Variants in ABLIM2 observed in about 807,000 individuals in gnomAD.
ABLIM2 encodes the protein actin binding LIM protein family member 2, also known as actin-binding LIM protein 2.
A neutral mutation model predicts 97.7 loss-of-function variants in ABLIM2; 53 were observed. That is an observed-to-expected ratio of 0.54 (90% confidence interval 0.44 to 0.68). The LOEUF is 0.68. Ranked by LOEUF, ABLIM2 falls within the 30% of genes least tolerant of loss-of-function variation. The probability of loss-of-function intolerance (pLI) is 0.00; values close to 1 mark genes in which losing one functional copy is unlikely to be tolerated. For synonymous variants in ABLIM2, 361 were observed against 345.8 expected (o/e 1.04, Z -0.49); for missense variants, 835 against 867.2 (o/e 0.96, Z 0.47).
chr4:8,048,027 G>C (rs963574568), intron 8 of ABLIM2, among the ~76,000 whole-genome samples: 16 of 152,226 alleles, frequency 1.1e-4, no homozygotes, highest in Non-Finnish European at 2.9e-5. Context: ...CATATGGGAG[G>C]GAGGGAGCGT....
intron 3 of ABLIM2, among the ~76,000 whole-genome samples, chr4:8,093,418 C>T (rs10008298): frequency 1.7e-4 from 26 of 152,104 alleles, no homozygotes; most frequent in Admixed American, 9.2e-4. Flanking sequence ...CTTAGCTTTG[C>T]GTGTCTAAAA....
chr4:7,971,368 C>T (rs550679337), intron 20 of ABLIM2, among the ~76,000 whole-genome samples: 1 of 152,174 alleles, frequency 6.6e-6, no homozygotes, highest in South Asian at 2.1e-4. Flanking sequence ...ACAAGCACAG[C>T]TGGAAGGAAG....
chr4:7,982,841 T>C (rs1022891985), intron 20 of ABLIM2, among the ~76,000 whole-genome samples: 5 of 152,132 alleles, frequency 3.3e-5, no homozygotes, highest in Non-Finnish European at 5.9e-5. Context: ...GTAGCTGGGA[T>C]TACAGGCACC....
intron 14 of ABLIM2, among the ~76,000 whole-genome samples, chr4:8,014,920 CTTTCT>C (rs1248047320): frequency 1.3e-4 from 18 of 142,874 alleles, no homozygotes; most frequent in East Asian, 3.9e-4. Flanking sequence ...TCCTTCCTTT[CTTTCT>C]TTTTTTTTTT....
In ABLIM2 at chr4:8,020,539, G is replaced by A. The variant is rs1578849010; in HGVS notation, c.1268-236C>T. The A allele has an allele frequency of 6.4e-6, 4 of 621,608 alleles. 1 individual carries two copies. Among genetic ancestry groups the A allele is most frequent in the Admixed American group, 4.6e-5 (2 of 43,594 alleles). 38.5% of individuals were successfully genotyped at this position (621,608 alleles called of 1,614,324 possible). ...CTGTCCAGAGTCCCAAGGCAGAGGAGCGACATTGCTGAGGGCAGAGGGCTG... is the reference window on the plus strand; with the variant it reads ...CTGTCCAGAGTCCCAAGGCAGAGGAACGACATTGCTGAGGGCAGAGGGCTG... On this transcript the variant is annotated intron_variant, in intron 12 of 20. Transcript: ENST00000447017.
Position 7,967,062 on chromosome 4 carries a change from C to T in ABLIM2, c.1866G>A (p.Met622Ile), listed in dbSNP as rs1723395942. The T allele has an allele frequency of 4.3e-6, 7 of 1,613,932 alleles. No homozygotes were observed. Among genetic ancestry groups the T allele is most frequent in the African/African-American group, 1.3e-5 (1 of 75,058 alleles). ...SPEEFQEVFGMSIEEFDRLAL... is the reference protein window; with the variant it reads ...SPEEFQEVFGISIEEFDRLAL... ...CCAGGCGGTCAAACTCCTCGATGCT[C>T]ATCCCAAACACTTCCTGGAACTCCT... Residue 622 changes from methionine (M) to isoleucine (I), a missense_variant, in exon 21 of 21, where the codon ATG (methionine) becomes ATA (isoleucine). Coordinates refer to ENST00000447017, the MANE Select transcript of ABLIM2 (RefSeq NM_001130083.2).
intron 6 of ABLIM2, among the ~76,000 whole-genome samples, chr4:8,076,990 G>C (rs1816609638): frequency 6.7e-6 from 1 of 149,620 alleles, no homozygotes; most frequent in African/African-American, 2.5e-5. Context: ...TGAATCCGGA[G>C]GGTGGGCTGC....
chr4:8,076,430 C>T (rs1573843), intron 6 of ABLIM2, among the ~76,000 whole-genome samples: 28,225 of 152,106 alleles, frequency 0.19, 2,730 homozygotes, highest in African/African-American at 0.24. Context: ...CTGGCCTCTG[C>T]GGCAGCCAGT....
rs1191745136 is a variant in ABLIM2, at chr4:8,033,596, G to T, written c.1047+2553C>A. On this transcript the variant is annotated intron_variant, in intron 10 of 20. Transcript: ENST00000447017. The surrounding 1 kb of genome is among the most constrained non-coding windows in gnomAD (Gnocchi z 4.5). ...GGCTGAGAGCGGAAGCTCACACACAGGTGCCACTGTTTAGCAGAGCGGGAG... is the reference window on the plus strand; with the variant it reads ...GGCTGAGAGCGGAAGCTCACACACATGTGCCACTGTTTAGCAGAGCGGGAG... 6.6e-6 allele frequency among the ~76,000 whole-genome samples: 1 copy of T among 152,164 alleles called. No individual in the cohort carries two copies.
At chr4:7,967,742 G>T (rs1278859891) in intron 20 of ABLIM2, among the ~76,000 whole-genome samples, 2 of 152,124 alleles carry the variant, frequency 1.3e-5, no homozygotes, top group African/African-American at 4.8e-5. Context: ...AGTGCTTCTG[G>T]GATGCCATAG....
At chr4:7,968,080 G>A (rs889745176) in intron 20 of ABLIM2, among the ~76,000 whole-genome samples, 3 of 152,224 alleles carry the variant, frequency 2.0e-5, no homozygotes, top group Admixed American at 6.5e-5. Flanking sequence ...AGCTTTTCTA[G>A]GGAGCCTGGG....
At position 8,120,232 on chromosome 4, in the gene ABLIM2, T is replaced by A. The variant is rs374954131; in HGVS notation, c.11-13595A>T. ...GTGCCAGCGGGGAGCTCGAGCCATC[T>A]CTGTGGGCTGAACCGGGACCCCCAG... is the stretch of plus-strand genomic sequence containing the variant. On this transcript the variant is annotated intron_variant, in intron 1 of 20. Transcript: ENST00000447017. This position sits in a 1 kb window ranked among gnomAD's most constrained non-coding sequence, Gnocchi z 5.6. Among the ~76,000 whole-genome samples, 12 of 152,064 alleles carry A rather than the reference T, an allele frequency of 7.9e-5. No individual in the cohort carries two copies. The highest frequency in any genetic ancestry group is 2.9e-4 in the African/African-American group (12 of 41,402).
chr4:7,977,062 C>A (rs903099986), intron 20 of ABLIM2, among the ~76,000 whole-genome samples: 1 of 152,090 alleles, frequency 6.6e-6, no homozygotes, highest in Admixed American at 6.5e-5. Context: ...GAGGGAGGGA[C>A]CTGGTGGGAG....
intron 17 of ABLIM2, among the ~76,000 whole-genome samples, chr4:7,989,943 A>G (rs1747373508): frequency 6.6e-6 from 1 of 152,190 alleles, no homozygotes; most frequent in Non-Finnish European, 1.5e-5. Context: ...GTAGGTTATG[A>G]GCATCTACCA....
chr4:8,045,127 C>T (rs777260742), intron 9 of ABLIM2, 37 bp downstream of exon 9: 11 of 1,592,976 alleles, frequency 6.9e-6, no homozygotes, highest in South Asian at 6.6e-5. Context: ...TCTCTCCACC[C>T]TCCCACCGCC....
At chr4:8,012,032 C>G (rs1046271436) in intron 14 of ABLIM2, among the ~76,000 whole-genome samples, 6 of 152,170 alleles carry the variant, frequency 3.9e-5, no homozygotes, top group Non-Finnish European at 7.3e-5. Context: ...ACTCCTTTAA[C>G]TATCTGTCCA....
rs1192037475 is a variant in ABLIM2 at position 8,120,274 on chromosome 4, C to G, written c.11-13637G>C. Among the ~76,000 whole-genome samples the G allele has an allele frequency of 1.3e-5, 2 of 152,192 alleles. No individual in the cohort carries two copies. Among genetic ancestry groups the G allele is most frequent in the Non-Finnish European group, 2.9e-5 (2 of 68,040 alleles). ...GACCCCCAGATGCCCACGTTGAAGT[C>G]CTAACCCCCGGACCTCGGCAAGTGA... On this transcript the variant is annotated intron_variant, in intron 1 of 20. Coordinates refer to ENST00000447017, the MANE Select transcript of ABLIM2 (RefSeq NM_001130083.2). The surrounding 1 kb of genome is among the most constrained non-coding windows in gnomAD (Gnocchi z 5.6).
At chr4:8,091,387 T>TATTATATTAC (rs1561327241) in intron 3 of ABLIM2, among the ~76,000 whole-genome samples, 11 of 66,516 alleles carry the variant, frequency 1.7e-4, no homozygotes, top group African/African-American at 6.5e-4. Context: ...AATTATATTA[T>TATTATATTAC]ATATAATTAT....
intron 1 of ABLIM2, among the ~76,000 whole-genome samples, chr4:8,115,591 TG>T (rs1195880713): frequency 6.6e-6 from 1 of 152,224 alleles, no homozygotes; most frequent in Admixed American, 6.5e-5. Flanking sequence ...GGTGTCCTTC[TG>T]GAAGCCTCTG....
Sources: allele counts gnomAD v4.1 joint callset (sites outside exome capture counted in the v4.1 genomes callset), GRCh38; gene constraint gnomAD v4.1.1; non-coding constraint Gnocchi (gnomAD v3.1); transcripts MANE v1.5; gene names NCBI Gene and HGNC (gene_info 2026-07-23, HGNC 2026-07-21).